ZNF616: variants seen among roughly 807,000 people sequenced by gnomAD.
ZNF616 encodes the protein zinc finger protein 616.
ZNF616 carries 5 observed loss-of-function variants against 7.6 expected under a neutral mutation model. That is an observed-to-expected ratio of 0.66 (90% CI 0.34 to 1.38). ZNF616 has a LOEUF of 1.38. Ranked by LOEUF, ZNF616 falls within the 40% of genes most tolerant of loss-of-function variation. The pLI, the probability that ZNF616 is intolerant of heterozygous loss-of-function variation, is 0.04. For synonymous variants in ZNF616, 319 were observed against 317.2 expected (o/e 1.01, Z -0.06); for missense variants, 913 against 948.3 (o/e 0.96, Z 0.49).
Position 52,129,331 on chromosome 19 carries a change from T to C in ZNF616, c.12+1170A>G, listed in dbSNP as rs76067585. Among the ~76,000 whole-genome samples, 255 of 152,186 alleles carry C rather than the reference T, an allele frequency of 1.7e-3. 2 individuals are homozygous for C. The highest frequency in any genetic ancestry group is 1.9e-3 in the Non-Finnish European group (126 of 67,992). On this transcript the variant is annotated intron_variant, in intron 2 of 3. Transcript: ENST00000600228. The stretch of plus-strand genomic sequence containing the variant: ...ATTATTTCCTATCATCCTCGTGTTG[T>C]ATTAACTTCTTAATGCCTAAACTGC...
chr19:52,120,512 A>G (rs1190388243), intron 3 of ZNF616, among the ~76,000 whole-genome samples: 1 of 152,328 alleles, frequency 6.6e-6, no homozygotes, highest in East Asian at 1.9e-4. Context: ...CAATCAGAAG[A>G]TAGAGACTGG....
intron 1 of ZNF616, among the ~76,000 whole-genome samples, chr19:52,138,171 G>A (rs2089029490): frequency 6.6e-6 from 1 of 152,064 alleles, no homozygotes; most frequent in African/African-American, 2.4e-5. Flanking sequence ...AAAAACCAAA[G>A]ATACATCTTG....
chr19:52,132,317 G>A (rs567344605), intron 1 of ZNF616, among the ~76,000 whole-genome samples: 5 of 152,120 alleles, frequency 3.3e-5, no homozygotes, highest in Non-Finnish European at 5.9e-5. Flanking sequence ...TCTCTTAGAC[G>A]GCTGAACAGA....
chr19:52,115,438 G>C lies in ZNF616; in HGVS notation c.1726C>G (p.Pro576Ala). The C allele has an allele frequency of 6.2e-7, 1 of 1,614,028 alleles. No individual in the cohort carries two copies. The highest frequency in any genetic ancestry group is 8.5e-7 in the Non-Finnish European group (1 of 1,180,030). ...VHRRIHSGEK[P>A]YKCNECGKVY... is the part of the protein sequence containing the mutation. Reference sequence around the variant, plus strand: ...TTGCCGCATTCATTGCATTTGTAAGGTTTCTCTCCACTATGAATTCTCCGA... The same window carrying C: ...TTGCCGCATTCATTGCATTTGTAAGCTTTCTCTCCACTATGAATTCTCCGA... The change falls in exon 4 of 4, where the codon CCT (proline) becomes GCT (alanine). Residue 576 changes from proline (P) to alanine (A), a missense_variant. Pro to Ala is a conservative substitution (Grantham distance 27). Coordinates refer to ENST00000600228, the MANE Select transcript of ZNF616 (RefSeq NM_178523.5).
intron 2 of ZNF616, among the ~76,000 whole-genome samples, chr19:52,129,793 T>C (rs1309690895): frequency 6.6e-6 from 1 of 152,038 alleles, no homozygotes; most frequent in Non-Finnish European, 1.5e-5. Context: ...CATATTTTTT[T>C]TTTTTTTGAG....
rs2088803871 is a variant in ZNF616 at position 52,114,957 on chromosome 19, T to C, written c.2207A>G (p.Gln736Arg). The change falls in exon 4 of 4, where the codon CAA becomes CGA. Residue 736 changes from glutamine to arginine, a missense_variant. Physicochemically the swap from Gln to Arg is conservative, Grantham distance 43 (BLOSUM62 1). Transcript: ENST00000600228. ...FGRLFSLSKH[Q>R]RIHSGKKPYK... ...AGGTTTTTTGCCAGAATGAATTCTT[T>C]GGTGTTTGCTGAGGGAAAACAACCG... 4 of 1,614,096 alleles carry C rather than the reference T, an allele frequency of 2.5e-6. No individual in the cohort carries two copies. Among genetic ancestry groups the C allele is most frequent in the Admixed American group, 1.7e-5 (1 of 60,004 alleles).
chr19:52,125,124 T>G (rs1005655667), intron 2 of ZNF616, among the ~76,000 whole-genome samples: 4 of 152,216 alleles, frequency 2.6e-5, no homozygotes, highest in Non-Finnish European at 5.9e-5. Flanking sequence ...GCATTCCATC[T>G]TGCCCCACCA....
At chr19:52,137,185 G>A (rs1405573746) in intron 1 of ZNF616, among the ~76,000 whole-genome samples, 5 of 151,768 alleles carry the variant, frequency 3.3e-5, no homozygotes, top group Admixed American at 2.0e-4. Context: ...TTGGGAGGCC[G>A]AGGCGGGTGG....
chr19:52,138,451 C>G (rs2089031941), intron 1 of ZNF616: 1 of 152,168 alleles, frequency 6.6e-6, no homozygotes, highest in Admixed American at 6.6e-5. Flanking sequence ...CCATCCATAT[C>G]CAATCAACTC....
intron 1 of ZNF616, among the ~76,000 whole-genome samples, chr19:52,131,977 G>A (rs2088964254): frequency 6.6e-6 from 1 of 152,138 alleles, no homozygotes; most frequent in East Asian, 1.9e-4. Flanking sequence ...CAGAGGGAGT[G>A]AGGAGGACAC....
intron 3 of ZNF616, among the ~76,000 whole-genome samples, chr19:52,121,535 A>G (rs2088864248): frequency 6.6e-6 from 1 of 152,250 alleles, no homozygotes; most frequent in South Asian, 2.1e-4. Flanking sequence ...GCTAAGATAG[A>G]AAACTGTTAG....
chr19:52,115,076 C>T lies in ZNF616; in HGVS notation c.2088G>A (p.Lys696=), dbSNP rs1172769113. 3 of 1,613,996 alleles carry T rather than the reference C, an allele frequency of 1.9e-6. No homozygotes were observed. In the African/African-American group the frequency reaches 4.0e-5, roughly 22 times the overall value. ...CAAGATGTGAACTATGCCTGAATAC[C>T]TTGCCACATTCATCACATTTATATG... The part of the protein sequence containing the change: ...KKPYKCDECG[K]VFRHSSHLVS... Residue 696 remains lysine, a synonymous_variant, in exon 4 of 4, where the codon AAG becomes AAA. Coordinates refer to ENST00000600228, the MANE Select transcript of ZNF616 (RefSeq NM_178523.5).
At chr19:52,129,498 G>A (rs2088939138) in intron 2 of ZNF616, among the ~76,000 whole-genome samples, 1 of 152,078 alleles carries the variant, frequency 6.6e-6, no homozygotes, top group Non-Finnish European at 1.5e-5. Context: ...TCTTACATCT[G>A]AGCAAAATTA....
intron 1 of ZNF616, among the ~76,000 whole-genome samples, chr19:52,132,427 G>A (rs918096969): frequency 6.6e-6 from 1 of 152,238 alleles, no homozygotes; most frequent in East Asian, 1.9e-4. Context: ...ATATGGATCA[G>A]CTCTGTGTCC....
rs748641468 is a variant in ZNF616 at position 52,114,810 on chromosome 19, GACA to G, written c.*5_*7del. Reference sequence around the variant, plus strand: ...ATTATTCGGTGATTCCAGAAACTAGGACAACGTCTAAGGCCTTGTCACATTGAG... The same window carrying G: ...ATTATTCGGTGATTCCAGAAACTAGGACGTCTAAGGCCTTGTCACATTGAG... On this transcript the variant is annotated 3_prime_UTR_variant, in exon 4 of 4. Coordinates refer to ENST00000600228, the MANE Select transcript of ZNF616 (RefSeq NM_178523.5). The G allele has an allele frequency of 1.9e-5, 29 of 1,543,578 alleles. No individual in the cohort carries two copies. The highest frequency in any genetic ancestry group is 2.5e-5 in the Non-Finnish European group (29 of 1,149,884).
chr19:52,126,330 C>A (rs2088907245), intron 2 of ZNF616, among the ~76,000 whole-genome samples: 1 of 152,142 alleles, frequency 6.6e-6, no homozygotes, highest in Non-Finnish European at 1.5e-5. Flanking sequence ...GAATTCGAGA[C>A]CAGCCTGGCC....
intron 1 of ZNF616, among the ~76,000 whole-genome samples, chr19:52,132,601 T>C (rs552903490): frequency 1.3e-5 from 2 of 150,268 alleles, no homozygotes; most frequent in South Asian, 2.3e-4. Flanking sequence ...TGTTTAGAAG[T>C]GTGTAGCGCC....
In ZNF616 at chr19:52,115,154, A is replaced by G. The variant is rs1274758088; in HGVS notation, c.2010T>C (p.Phe670=). Residue 670 remains phenylalanine, a synonymous_variant, in exon 4 of 4, where the codon TTT becomes TTC. Transcript: ENST00000600228. ...GTGCAGTGAGGTTTGAGCTCCGTTT[A>G]AAGGTTTTGCCACACTCATTACATT... is the stretch of plus-strand genomic sequence containing the variant. ...PYKCNECGKT[F]KRSSNLTAHQ... is the part of the protein sequence containing the mutation. 2.5e-6 allele frequency: 4 copies of G among 1,614,046 alleles called. No individual in the cohort carries two copies. The East Asian group carries it at 8.9e-5, about 36-fold the overall frequency.
intron 1 of ZNF616, among the ~76,000 whole-genome samples, chr19:52,132,874 T>C (rs2088972646): frequency 6.6e-6 from 1 of 152,128 alleles, no homozygotes; most frequent in Non-Finnish European, 1.5e-5. Context: ...GGAAAGACAG[T>C]AGGTGTGGAC....
Sources: allele counts gnomAD v4.1 joint callset (sites outside exome capture counted in the v4.1 genomes callset), GRCh38; gene constraint gnomAD v4.1.1; transcripts MANE v1.5; gene names NCBI Gene and HGNC (gene_info 2026-07-23, HGNC 2026-07-21).